The following KCNK12 variants were observed in gnomAD, a reference collection of about 807,000 sequenced individuals.
KCNK12 encodes potassium two pore domain channel subfamily K member 12.
Under a neutral mutation model 25.3 loss-of-function variants are expected in KCNK12, and 6 were observed. The observed-to-expected ratio is 0.24, with a 90% CI of 0.13 to 0.47. The LOEUF (loss-of-function observed/expected upper bound fraction) is 0.47, where lower values mean the gene tolerates loss of function less well. Among genes scored for constraint, KCNK12 ranks in the 20% least tolerant of loss-of-function variants. KCNK12 has a pLI of 0.99. For missense variants in KCNK12, 444 were observed against 661.7 expected (o/e 0.67, Z 3.61); for synonymous variants, 331 against 311.1 (o/e 1.06, Z -0.67).
At chr2:47,552,502 T>C (rs981006839) in intron 1 of KCNK12, among the ~76,000 whole-genome samples, 3 of 152,242 alleles carry the variant, frequency 2.0e-5, no homozygotes, top group Non-Finnish European at 4.4e-5. Context: ...GCCTGGCGGC[T>C]CATGCCTGTA....
intron 1 of KCNK12, among the ~76,000 whole-genome samples, chr2:47,523,879 A>G (rs1310426473): frequency 6.6e-6 from 1 of 152,228 alleles, no homozygotes; most frequent in Non-Finnish European, 1.5e-5. Flanking sequence ...GGGTGGGGCC[A>G]GCCCTGGGAA....
chr2:47,524,446 C>G (rs766920615), intron 1 of KCNK12, among the ~76,000 whole-genome samples: 1 of 152,188 alleles, frequency 6.6e-6, no homozygotes, highest in Non-Finnish European at 1.5e-5. Context: ...ACAAAATAAG[C>G]TGGACACAAA....
In KCNK12 at chr2:47,512,656, G is replaced by C; in HGVS notation, c.*8251C>G. 1.9e-6 allele frequency: 1 copy of C among 531,504 alleles called. No individual in the cohort carries two copies. The highest frequency in any genetic ancestry group is 3.3e-6 in the Non-Finnish European group (1 of 301,148). 32.9% of individuals were successfully genotyped at this position (531,504 alleles called of 1,614,324 possible). The stretch of plus-strand genomic sequence containing the variant: ...TGTGCTAATGGGATGATGTGCCCTT[G>C]TACACCCACTGCCTCTGAACTCTGC... On this transcript the variant is annotated 3_prime_UTR_variant, in exon 2 of 2. Transcript: ENST00000327876.
chr2:47,524,911 G>A (rs923617083), intron 1 of KCNK12, among the ~76,000 whole-genome samples: 1 of 152,136 alleles, frequency 6.6e-6, no homozygotes, highest in Non-Finnish European at 1.5e-5. Context: ...CAAGCCTGGT[G>A]CATAGATCGG....
chr2:47,522,010 C>G (rs547066705), intron 1 of KCNK12, among the ~76,000 whole-genome samples: 1 of 152,274 alleles, frequency 6.6e-6, no homozygotes, highest in South Asian at 2.1e-4. Context: ...CTTGGCAGCC[C>G]CTAAACTGAT....
chr2:47,534,344 C>T (rs917897271), intron 1 of KCNK12, among the ~76,000 whole-genome samples: 13 of 151,940 alleles, frequency 8.6e-5, no homozygotes, highest in African/African-American at 1.5e-4. Context: ...GGGTAGCTCC[C>T]GTTTAACAAC....
At chr2:47,536,434 T>TC (rs1401330043) in intron 1 of KCNK12, among the ~76,000 whole-genome samples, 1 of 152,178 alleles carries the variant, frequency 6.6e-6, no homozygotes, top group Non-Finnish European at 1.5e-5. Flanking sequence ...GCTGCTAAAT[T>TC]CCCAACAGAA....
rs1160157249 is a variant in KCNK12 at position 47,515,209 on chromosome 2, T to C, written c.*5698A>G. The stretch of plus-strand genomic sequence containing the variant: ...CCGCCACGGCAGCCTAGCTAATGGG[T>C]CTTGGCTGGAAGCTAACAGGAAGGC... On this transcript the variant is annotated 3_prime_UTR_variant, in exon 2 of 2. Coordinates refer to ENST00000327876, the MANE Select transcript of KCNK12 (RefSeq NM_022055.2). Among the ~76,000 whole-genome samples, 1 of 152,108 alleles carries C rather than the reference T, an allele frequency of 6.6e-6. No individual in the cohort carries two copies. The highest frequency in any genetic ancestry group is 1.5e-5 in the Non-Finnish European group (1 of 68,010).
In KCNK12 at chr2:47,548,115, T is replaced by G. The variant is rs1390460484; in HGVS notation, c.391+21826A>C. On this transcript the variant is annotated intron_variant, in intron 1 of 1. Transcript: ENST00000327876. The surrounding 1 kb of genome is among the most constrained non-coding windows in gnomAD (Gnocchi z 4.4). ...TCCTCTTTGCCTTCTGACATGATTG[T>G]AAGTTCCCTGAGGCCTCTCCTGCCA... Among the ~76,000 whole-genome samples, 1 of 152,206 alleles carries G rather than the reference T, an allele frequency of 6.6e-6. No homozygotes were observed. The highest frequency in any genetic ancestry group is 1.9e-4 in the East Asian group (1 of 5,202).
rs1050846707 is a variant in KCNK12 at position 47,521,015 on chromosome 2, G to A, written c.1185C>T (p.Gly395=). The A allele has an allele frequency of 3.6e-6, 5 of 1,397,906 alleles. No individual in the cohort carries two copies. The highest frequency in any genetic ancestry group is 5.7e-5 in the Admixed American group (2 of 35,106). 86.6% of individuals were successfully genotyped at this position (1,397,906 alleles called of 1,614,324 possible). Residue 395 remains glycine (G), a synonymous_variant, in exon 2 of 2, where the codon GGC becomes GGT. Coordinates refer to ENST00000327876, the MANE Select transcript of KCNK12 (RefSeq NM_022055.2). ...TGTTGACGCACACGCTGCGCGGGTA[G>A]CCGTTGGCCGTCTCCGACAGCTGCT... is the stretch of plus-strand genomic sequence containing the variant. The part of the protein sequence containing the change: ...LQKQLSETAN[G]YPRSVCVNTR...
intron 1 of KCNK12, among the ~76,000 whole-genome samples, chr2:47,537,541 G>C (rs907556472): frequency 6.6e-6 from 1 of 152,136 alleles, no homozygotes; most frequent in African/African-American, 2.4e-5. Context: ...ATGTTGGCCA[G>C]GATGGTCTCA....
intron 1 of KCNK12, among the ~76,000 whole-genome samples, chr2:47,535,533 G>A (rs1390872622): frequency 1.3e-5 from 2 of 152,188 alleles, no homozygotes; most frequent in African/African-American, 4.8e-5. Flanking sequence ...CACAGATGGG[G>A]AGGTTGATGG....
intron 1 of KCNK12, among the ~76,000 whole-genome samples, chr2:47,559,916 G>A (rs1052219033): frequency 6.6e-6 from 1 of 152,228 alleles, no homozygotes; most frequent in East Asian, 1.9e-4. Context: ...TACAGCATAT[G>A]TAACAGCCTA....
chr2:47,568,027 C>T (rs1054533888), intron 1 of KCNK12, among the ~76,000 whole-genome samples: 2 of 152,126 alleles, frequency 1.3e-5, no homozygotes, highest in Non-Finnish European at 2.9e-5. Context: ...GCACAGAGAC[C>T]ACAGGCCATT....
In KCNK12 at chr2:47,519,017, G is replaced by A. The variant is rs1436196586; in HGVS notation, c.*1890C>T. 1.3e-5 allele frequency: 2 copies of A among 152,234 alleles called. No individual in the cohort carries two copies. The highest frequency in any genetic ancestry group is 4.8e-5 in the African/African-American group (2 of 41,448). 9.4% of individuals were successfully genotyped at this position (152,234 alleles called of 1,614,324 possible). ...TTGGATGGGGGGCACTCACTGGGCT[G>A]GCCTGACAGTCACAGTGAATCCTGA... On this transcript the variant is annotated 3_prime_UTR_variant, in exon 2 of 2. Transcript: ENST00000327876.
chr2:47,521,146 G>C lies in KCNK12; in HGVS notation c.1054C>G (p.Pro352Ala). The change falls in exon 2 of 2, where the codon CCC becomes GCC. Residue 352 changes from proline to alanine, a missense_variant. Transcript: ENST00000327876. ...TCGGCGTCGCTGTCGCGGGCCGCGG[G>C]GTCGGCACCGAGCGCGGCCAGGCGG... ...RRRLAALGAD[P>A]AARDSDAEGR... 3 of 1,294,194 alleles carry C rather than the reference G, an allele frequency of 2.3e-6. No individual in the cohort carries two copies. Among genetic ancestry groups the C allele is most frequent in the South Asian group, 5.4e-5 (2 of 36,736 alleles). The allele number at this position is 1,294,194 out of a possible 1,614,324, so 80.2% of individuals were successfully genotyped here. A position where few individuals can be genotyped will look rare whatever the true frequency, so the allele number is the denominator to read the frequency against.
chr2:47,537,900 C>G (rs1447176465), intron 1 of KCNK12, among the ~76,000 whole-genome samples: 2 of 152,156 alleles, frequency 1.3e-5, no homozygotes, highest in South Asian at 2.1e-4. Context: ...GCCATTGGAA[C>G]TGAGTAGTGA....
Position 47,565,106 on chromosome 2 carries a change from A to ATT in KCNK12, c.391+4834_391+4835insAA, listed in dbSNP as rs1468148424. The ATT allele has an allele frequency of 2.0e-5, 3 of 151,926 alleles. No homozygotes were observed. Among genetic ancestry groups the ATT allele is most frequent in the Non-Finnish European group, 4.4e-5 (3 of 68,022 alleles). 9.4% of individuals were successfully genotyped at this position (151,926 alleles called of 1,614,324 possible). On this transcript the variant is annotated intron_variant, in intron 1 of 1. Coordinates refer to ENST00000327876, the MANE Select transcript of KCNK12 (RefSeq NM_022055.2). This position sits in a 1 kb window ranked among gnomAD's most constrained non-coding sequence, Gnocchi z 5.0. ...TGCTTGTGCCCAGGAGGTTGAGGCT[A>ATT]TGGTAAGCTGTGTTTGCACCACTGT...
At chr2:47,549,985 T>C (rs1014380680) in intron 1 of KCNK12, among the ~76,000 whole-genome samples, 10 of 147,988 alleles carry the variant, frequency 6.8e-5, no homozygotes, top group Non-Finnish European at 1.0e-4. Flanking sequence ...ATTCACTGAA[T>C]AGAGTTAACA....
Sources: allele counts gnomAD v4.1 joint callset (sites outside exome capture counted in the v4.1 genomes callset), GRCh38; gene constraint gnomAD v4.1.1; non-coding constraint Gnocchi (gnomAD v3.1); transcripts MANE v1.5; gene names NCBI Gene and HGNC (gene_info 2026-07-23, HGNC 2026-07-21).